Variants in ADAM2 observed in about 807,000 individuals in gnomAD.
ADAM2 encodes ADAM metallopeptidase domain 2, also known as disintegrin and metalloproteinase domain-containing protein 2.
In ADAM2, 101 loss-of-function variants were observed where a neutral mutation model predicts 99.3. That is an observed-to-expected ratio of 1.02 (90% CI 0.87 to 1.20). The LOEUF is 1.20. Ranked by LOEUF, ADAM2 falls within the 50% of genes most tolerant of loss-of-function variation. The probability of loss-of-function intolerance (pLI) is 0.00; values close to 1 mark genes in which losing one functional copy is unlikely to be tolerated. For missense variants in ADAM2, 948 were observed against 878.7 expected, an observed-to-expected ratio of 1.08 and a Z score of -1.00; for synonymous variants, 323 against 287.6, an observed-to-expected ratio of 1.12 and a Z score of -1.25.
intron 10 of ADAM2, among the ~76,000 whole-genome samples, chr8:39,779,510 A>C (rs1450268954): frequency 6.6e-6 from 1 of 152,144 alleles, no homozygotes; most frequent in African/African-American, 2.4e-5. Flanking sequence ...AATTTTAAAG[A>C]TATGGAAAGC....
At chr8:39,791,708 G>A (rs1456384581) in intron 7 of ADAM2, among the ~76,000 whole-genome samples, 1 of 152,068 alleles carries the variant, frequency 6.6e-6, no homozygotes, top group African/African-American at 2.4e-5. Context: ...TGGGTGTTTT[G>A]TGGTGCTCCA....
At chr8:39,787,498 A>T (rs1164271483) in intron 9 of ADAM2, among the ~76,000 whole-genome samples, 1 of 151,050 alleles carries the variant, frequency 6.6e-6, no homozygotes, top group African/African-American at 2.4e-5. Context: ...GATAAAAAGT[A>T]AAATGTTTAA....
chr8:39,772,033 C>A (rs1387708715), intron 11 of ADAM2, among the ~76,000 whole-genome samples: 1 of 144,088 alleles, frequency 6.9e-6, no homozygotes, highest in African/African-American at 2.6e-5. Flanking sequence ...ACATATGTAA[C>A]AAACCGCACG....
chr8:39,783,951 A>G (rs1228766972), intron 10 of ADAM2, among the ~76,000 whole-genome samples: 2 of 97,302 alleles, frequency 2.1e-5, no homozygotes, highest in Non-Finnish European at 4.1e-5. Flanking sequence ...TCTCGAAAAG[A>G]AAAAAAAAAA....
chr8:39,752,673 C>G (rs1232360298), intron 16 of ADAM2, among the ~76,000 whole-genome samples: 1 of 152,146 alleles, frequency 6.6e-6, no homozygotes, highest in Non-Finnish European at 1.5e-5. Context: ...GTAGCTCCCA[C>G]AATAACGACA....
intron 6 of ADAM2, among the ~76,000 whole-genome samples, chr8:39,816,770 G>A (rs1022223630): frequency 1.3e-5 from 2 of 152,166 alleles, no homozygotes; most frequent in African/African-American, 4.8e-5. Context: ...GGGAAGACAG[G>A]GGAATGAAGA....
At chr8:39,783,024 G>C (rs1005911771) in intron 10 of ADAM2, among the ~76,000 whole-genome samples, 3 of 151,888 alleles carry the variant, frequency 2.0e-5, no homozygotes, top group African/African-American at 7.3e-5. Context: ...CTACCTCTCA[G>C]CTCTGCCTTT....
chr8:39,835,122 G>C (rs1805768864), intron 2 of ADAM2, among the ~76,000 whole-genome samples: 1 of 152,094 alleles, frequency 6.6e-6, no homozygotes, highest in African/African-American at 2.4e-5. Flanking sequence ...ACTCTGCTTT[G>C]GATTTGGGAC....
chr8:39,788,567 C>T lies in ADAM2; in HGVS notation c.642+102G>A, dbSNP rs181962954. On this transcript the variant is annotated intron_variant, in intron 8 of 20. Coordinates refer to ENST00000265708, the MANE Select transcript of ADAM2 (RefSeq NM_001464.5). ...AAATTTAAAATAAAACTTAATTTCC[C>T]TTATGCCACACAACGTGTGGATTCA... 251 of 765,384 alleles carry T rather than the reference C, an allele frequency of 3.3e-4. 1 individual carries two copies. Among genetic ancestry groups the T allele is most frequent in the Non-Finnish European group, 5.0e-4 (246 of 496,612 alleles). 47.4% of individuals were successfully genotyped at this position (765,384 alleles called of 1,614,324 possible).
intron 12 of ADAM2, among the ~76,000 whole-genome samples, 176 bp from the exon 13 acceptor site, chr8:39,767,427 A>G (rs1802616017): frequency 6.6e-6 from 1 of 152,332 alleles, no homozygotes. Context: ...TTAATTACCT[A>G]CTAATTGCCA....
chr8:39,824,887 G>A lies in ADAM2; in HGVS notation c.199C>T (p.Pro67Ser). ...TVNLMQKNFLPHNFRVYSYSG... is the reference protein window; with the variant it reads ...TVNLMQKNFLSHNFRVYSYSG... ...TAACTGTAAACTCTAAAATTATGGG[G>A]TAAAAAGTTTCTGTAACATAAAGAT... The change falls in exon 4 of 21, where the codon CCC becomes TCC. Residue 67 changes from proline to serine, a missense_variant. By Grantham distance (74) the Pro-to-Ser change is moderately conservative (BLOSUM62 -1). Transcript: ENST00000265708. The A allele has an allele frequency of 2.0e-6, 3 of 1,482,690 alleles. No individual in the cohort carries two copies. The highest frequency in any genetic ancestry group is 2.3e-5 in the East Asian group (1 of 44,164). The allele number at this position is 1,482,690 out of a possible 1,614,324, so 91.8% of individuals were successfully genotyped here. A position where few individuals can be genotyped will look rare whatever the true frequency, so the allele number is the denominator to read the frequency against.
chr8:39,819,643 T>C (rs1805096963), intron 6 of ADAM2, among the ~76,000 whole-genome samples: 1 of 152,190 alleles, frequency 6.6e-6, no homozygotes, highest in African/African-American at 2.4e-5. Context: ...GAAAACAGAG[T>C]ATTTTCTAAA....
chr8:39,786,723 C>T (rs1231516045), intron 10 of ADAM2, among the ~76,000 whole-genome samples: 1 of 152,048 alleles, frequency 6.6e-6, no homozygotes, highest in Non-Finnish European at 1.5e-5. Context: ...GAGCACTTTA[C>T]AGTAAGACTA....
At chr8:39,750,061 T>C (rs368525620) in intron 16 of ADAM2, among the ~76,000 whole-genome samples, 2 of 152,162 alleles carry the variant, frequency 1.3e-5, no homozygotes, top group East Asian at 3.9e-4. Context: ...AAAAAATTGA[T>C]TTGTGAAGCG....
intron 19 of ADAM2, among the ~76,000 whole-genome samples, chr8:39,745,981 A>G: frequency 6.7e-6 from 1 of 149,550 alleles, no homozygotes; most frequent in Admixed American, 6.7e-5. Flanking sequence ...GTATATATGC[A>G]TGTGTATGTG....
chr8:39,821,593 C>G lies in ADAM2; in HGVS notation c.337G>C (p.Gly113Arg). Residue 113 changes from glycine to arginine, a missense_variant, in exon 5 of 21, where the codon GGA becomes CGA. Gly to Arg is a moderately radical substitution (Grantham distance 125). Transcript: ENST00000265708. ...KSVVMVSTCT[G>R]LRGVLQFENV... ...AAAACAGTAAATTACAACCTGAGTC[C>G]AGTACATGTGCTAACCATCACCACA... The G allele has an allele frequency of 6.3e-7, 1 of 1,594,004 alleles. No individual in the cohort carries two copies. The highest frequency in any genetic ancestry group is 8.6e-7 in the Non-Finnish European group (1 of 1,163,118).
chr8:39,751,070 T>C (rs762495462), intron 16 of ADAM2, among the ~76,000 whole-genome samples: 13 of 152,184 alleles, frequency 8.5e-5, no homozygotes, highest in Admixed American at 5.2e-4. Context: ...CCCAACATTA[T>C]TGAGTATGAA....
At chr8:39,747,045 C>A (rs1260056761) in intron 18 of ADAM2, among the ~76,000 whole-genome samples, 1 of 152,176 alleles carries the variant, frequency 6.6e-6, no homozygotes, top group South Asian at 2.1e-4. Flanking sequence ...ACCTGTGAAA[C>A]CATCTATGCC....
chr8:39,837,213 CTGCAAAATG>C lies in ADAM2; in HGVS notation c.56-10_56-2del, dbSNP rs535445715. 341 of 1,602,350 alleles carry C rather than the reference CTGCAAAATG, an allele frequency of 2.1e-4. No homozygotes were observed. Among genetic ancestry groups the C allele is most frequent in the Non-Finnish European group, 2.7e-4 (314 of 1,172,616 alleles). Reference sequence around the variant, plus strand: ...ATTTGCACAGGTAAACTATCAAAATCTGCAAAATGTGCAAAATGTTTTATTAGAACAATG... The same window carrying C: ...ATTTGCACAGGTAAACTATCAAAATCTGCAAAATGTTTTATTAGAACAATG... On this transcript the variant is annotated splice_acceptor_variant and splice_polypyrimidine_tract_variant and intron_variant, in intron 1 of 20. Coordinates refer to ENST00000265708, the MANE Select transcript of ADAM2 (RefSeq NM_001464.5). LOFTEE classifies it high-confidence loss of function.
Sources: allele counts gnomAD v4.1 joint callset (sites outside exome capture counted in the v4.1 genomes callset), GRCh38; gene constraint gnomAD v4.1.1; transcripts MANE v1.5; gene names NCBI Gene and HGNC (gene_info 2026-07-23, HGNC 2026-07-21).